Variants in HMBOX1 observed in about 807,000 individuals in gnomAD.
HMBOX1 encodes homeobox containing 1, also known as homeobox-containing protein 1.
A neutral mutation model predicts 54.5 loss-of-function variants in HMBOX1; 14 were observed. That is an observed-to-expected ratio of 0.26 (90% CI 0.17 to 0.40). The LOEUF (loss-of-function observed/expected upper bound fraction) is 0.40, where lower values mean the gene tolerates loss of function less well. Among genes scored for constraint, HMBOX1 ranks in the 10% least tolerant of loss-of-function variants. HMBOX1 has a pLI of 1.00. For missense variants in HMBOX1, 332 were observed against 514.4 expected, an observed-to-expected ratio of 0.65 and a Z score of 3.43; for synonymous variants, 160 against 181.0, an observed-to-expected ratio of 0.88 and a Z score of 0.93.
chr8:29,045,507 T>A, intron 7 of HMBOX1, 64 bp downstream of exon 7: 1 of 1,281,204 alleles, frequency 7.8e-7, no homozygotes, highest in Non-Finnish European at 1.1e-6. Flanking sequence ...GGTTGGCATC[T>A]AGGACACTTA....
chr8:29,026,212 A>G (rs917547928), intron 6 of HMBOX1, among the ~76,000 whole-genome samples: 5 of 152,260 alleles, frequency 3.3e-5, no homozygotes, highest in Middle Eastern at 3.4e-3. Flanking sequence ...TGTATTCCAC[A>G]TATTTGACTT....
In HMBOX1 at chr8:29,048,935, C is replaced by CTATT. The variant is rs1221058335; in HGVS notation, c.1031-17_1031-14dup. ...ATAAGGTAACAGATAATTTAGGGAT[C>CTATT]TATTTGCTTTTTTCGAAGAAGCAGC... On this transcript the variant is annotated intron_variant, in intron 8 of 9. Transcript: ENST00000287701. The CTATT allele has an allele frequency of 6.5e-7, 1 of 1,543,604 alleles. No homozygotes were observed. The highest frequency in any genetic ancestry group is 1.4e-5 in the African/African-American group (1 of 73,418).
chr8:28,996,709 T>G (rs556776620), intron 4 of HMBOX1, among the ~76,000 whole-genome samples: 6 of 152,230 alleles, frequency 3.9e-5, no homozygotes, highest in Non-Finnish European at 7.3e-5. Context: ...TACATTTGTG[T>G]TTTCTTCTGA....
At chr8:29,018,033 G>A (rs565571817) in intron 5 of HMBOX1, among the ~76,000 whole-genome samples, 7 of 152,198 alleles carry the variant, frequency 4.6e-5, no homozygotes, top group African/African-American at 1.4e-4. Context: ...TTATGTTTTG[G>A]GAAGATGAAT....
At chr8:28,958,781 GT>G (rs1017318384) in intron 1 of HMBOX1, among the ~76,000 whole-genome samples, 7 of 151,994 alleles carry the variant, frequency 4.6e-5, no homozygotes, top group African/African-American at 1.2e-4. Context: ...TTACCAGAGT[GT>G]TTTTTTCTCT....
intron 6 of HMBOX1, among the ~76,000 whole-genome samples, chr8:29,042,965 T>G (rs1337869604): frequency 1.3e-5 from 2 of 152,208 alleles, no homozygotes; most frequent in Non-Finnish European, 2.9e-5. Context: ...CTGGGGAATT[T>G]CAGAATTTAA....
At chr8:28,896,989 T>C (rs944513387) in intron 1 of HMBOX1, among the ~76,000 whole-genome samples, 3 of 151,742 alleles carry the variant, frequency 2.0e-5, no homozygotes, top group Admixed American at 2.0e-4. Flanking sequence ...TTTTTTTTTT[T>C]TTTCTTTTTT....
chr8:28,985,059 A>C (rs536465266), intron 4 of HMBOX1, among the ~76,000 whole-genome samples: 94 of 152,266 alleles, frequency 6.2e-4, no homozygotes, highest in African/African-American at 2.1e-3. Flanking sequence ...CCAGAGTCTT[A>C]TTTTCCTTAT....
intron 2 of HMBOX1, among the ~76,000 whole-genome samples, chr8:28,967,844 A>G (rs4732895): frequency 1.3e-5 from 2 of 152,248 alleles, no homozygotes; most frequent in Admixed American, 1.3e-4. Context: ...GTATTGGAAG[A>G]AATCAGACCC....
chr8:28,964,446 C>T (rs1342611074), intron 2 of HMBOX1, among the ~76,000 whole-genome samples: 1 of 152,074 alleles, frequency 6.6e-6, no homozygotes, highest in Non-Finnish European at 1.5e-5. Context: ...TGTTTTTGTG[C>T]TAGGATATGA....
chr8:28,951,821 C>T (rs117388385), intron 1 of HMBOX1, among the ~76,000 whole-genome samples: 1 of 152,120 alleles, frequency 6.6e-6, no homozygotes, highest in Admixed American at 6.5e-5. Flanking sequence ...ATTTGGGGAG[C>T]CACTTTTTAA....
At chr8:28,950,513 A>G (rs1823225217) in intron 1 of HMBOX1, among the ~76,000 whole-genome samples, 1 of 152,236 alleles carries the variant, frequency 6.6e-6, no homozygotes, top group African/African-American at 2.4e-5. Context: ...TGCTAAATGT[A>G]GTATATTGTA....
At chr8:28,985,285 G>T (rs1032598602) in intron 4 of HMBOX1, among the ~76,000 whole-genome samples, 4 of 152,200 alleles carry the variant, frequency 2.6e-5, no homozygotes, top group Non-Finnish European at 5.9e-5. Context: ...GTGTTCTCAC[G>T]TAGTGGCAGG....
chr8:29,021,828 C>T (rs914879140), intron 6 of HMBOX1, among the ~76,000 whole-genome samples: 11 of 144,300 alleles, frequency 7.6e-5, no homozygotes, highest in Admixed American at 2.1e-4. Context: ...CCACTGCACT[C>T]GAGCCTGGGT....
chr8:28,915,600 T>C (rs1428405663), intron 1 of HMBOX1: 4 of 150,408 alleles, frequency 2.7e-5, no homozygotes, highest in Non-Finnish European at 5.9e-5. Flanking sequence ...CCTGCTCTGT[T>C]GCCCAGGGTG....
At chr8:28,904,408 T>A (rs1813856903) in intron 1 of HMBOX1, among the ~76,000 whole-genome samples, 1 of 151,990 alleles carries the variant, frequency 6.6e-6, no homozygotes, top group Non-Finnish European at 1.5e-5. Context: ...GATTTTTGTA[T>A]TTTTAGTAGA....
intron 4 of HMBOX1, among the ~76,000 whole-genome samples, chr8:28,995,606 A>G (rs913105373): frequency 3.3e-5 from 5 of 152,302 alleles, no homozygotes; most frequent in African/African-American, 9.6e-5. Flanking sequence ...ACTACCACCA[A>G]TGTATGACAT....
At chr8:29,031,579 A>G (rs1438789088) in intron 6 of HMBOX1, among the ~76,000 whole-genome samples, 2 of 150,182 alleles carry the variant, frequency 1.3e-5, no homozygotes, top group African/African-American at 4.9e-5. Flanking sequence ...CAGACTTTGG[A>G]GTTAGAACAA....
intron 6 of HMBOX1, among the ~76,000 whole-genome samples, 154 bp downstream of exon 6, chr8:29,019,067 A>C (rs904420744): frequency 1.3e-5 from 2 of 152,206 alleles, no homozygotes; most frequent in Non-Finnish European, 2.9e-5. Flanking sequence ...TGTATTATAG[A>C]AATAAGGTCA....
Sources: gnomAD v4.1 joint callset for allele counts (sites outside exome capture counted in the v4.1 genomes callset) on GRCh38, gnomAD v4.1.1 for gene constraint, MANE v1.5 for transcripts, NCBI Gene and HGNC (gene_info 2026-07-23, HGNC 2026-07-21) for gene names.